Variants in SGCZ observed in about 807,000 individuals in gnomAD.
The protein encoded by SGCZ is zeta-sarcoglycan.
Under a neutral mutation model 41.3 loss-of-function variants are expected in SGCZ, and 40 were observed. The observed-to-expected ratio is 0.97, with a 90% CI of 0.75 to 1.26. The LOEUF is 1.26. Among genes scored for constraint, SGCZ ranks in the 50% most tolerant of loss-of-function variants. SGCZ has a pLI of 0.00. For synonymous variants in SGCZ, 206 were observed against 137.5 expected (o/e 1.50, Z -3.49); for missense variants, 552 against 369.8 (o/e 1.49, Z -4.04).
At chr8:14,661,270 C>T (rs1025545484) in intron 1 of SGCZ, among the ~76,000 whole-genome samples, 5 of 151,932 alleles carry the variant, frequency 3.3e-5, no homozygotes, top group Non-Finnish European at 5.9e-5. Flanking sequence ...GAATATTAAG[C>T]GATAAGCAAG....
At chr8:14,552,395 A>C (rs1023151330) in intron 2 of SGCZ, among the ~76,000 whole-genome samples, 1 of 152,006 alleles carries the variant, frequency 6.6e-6, no homozygotes, top group African/African-American at 2.4e-5. Context: ...TACATTCCTG[A>C]AAACTTCATC....
intron 1 of SGCZ, among the ~76,000 whole-genome samples, chr8:14,791,768 T>C (rs1360640539): frequency 6.6e-6 from 1 of 152,216 alleles, no homozygotes; most frequent in African/African-American, 2.4e-5. Flanking sequence ...AAGCAAGAGC[T>C]ATAGGTTCCA....
At chr8:14,903,224 T>A (rs559696665) in intron 1 of SGCZ, among the ~76,000 whole-genome samples, 1 of 152,224 alleles carries the variant, frequency 6.6e-6, no homozygotes. Flanking sequence ...CAAGCAAATG[T>A]TTTTAAACAT....
chr8:14,770,963 AG>A (rs1800216683), intron 1 of SGCZ, among the ~76,000 whole-genome samples: 1 of 152,194 alleles, frequency 6.6e-6, no homozygotes, highest in Non-Finnish European at 1.5e-5. Context: ...TGAAGTTTCC[AG>A]GAAGAAAAAT....
At chr8:15,073,433 A>C (rs138475046) in intron 1 of SGCZ, among the ~76,000 whole-genome samples, 1 of 152,184 alleles carries the variant, frequency 6.6e-6, no homozygotes, top group Admixed American at 6.5e-5. Flanking sequence ...AAATTAATAC[A>C]TAAGATTAAT....
intron 1 of SGCZ, among the ~76,000 whole-genome samples, chr8:14,822,952 G>C (rs1207376793): frequency 2.0e-5 from 3 of 151,282 alleles, no homozygotes; most frequent in African/African-American, 7.3e-5. Context: ...TGCTTGGCTG[G>C]CTGAGGCAGG....
intron 5 of SGCZ, among the ~76,000 whole-genome samples, chr8:14,152,451 C>G (rs1409148143): frequency 6.6e-6 from 1 of 152,080 alleles, no homozygotes; most frequent in African/African-American, 2.4e-5. Context: ...ATCGCTTGAG[C>G]CCAGAAGTTC....
At chr8:14,679,763 T>C (rs1290412528) in intron 1 of SGCZ, among the ~76,000 whole-genome samples, 1 of 152,072 alleles carries the variant, frequency 6.6e-6, no homozygotes, top group Non-Finnish European at 1.5e-5. Context: ...CTTATCCCTT[T>C]ATATTCACTA....
At chr8:14,431,751 C>A (rs193157727) in intron 2 of SGCZ, among the ~76,000 whole-genome samples, 16 of 152,136 alleles carry the variant, frequency 1.1e-4, no homozygotes, top group African/African-American at 3.9e-4. Context: ...AGACAACCCA[C>A]AGAGCGGGAG....
intron 2 of SGCZ, among the ~76,000 whole-genome samples, chr8:14,340,752 G>A (rs992719515): frequency 3.9e-5 from 6 of 151,984 alleles, no homozygotes; most frequent in African/African-American, 9.7e-5. Flanking sequence ...AATTCTTTTT[G>A]GAGGTAACAT....
intron 2 of SGCZ, among the ~76,000 whole-genome samples, chr8:14,328,883 C>T (rs1420604216): frequency 3.9e-5 from 6 of 152,168 alleles, no homozygotes; most frequent in East Asian, 1.9e-4. Flanking sequence ...CGCAGTGTTT[C>T]GACCTCTTGC....
intron 2 of SGCZ, among the ~76,000 whole-genome samples, chr8:14,346,626 T>C (rs1802899359): frequency 6.6e-6 from 1 of 151,892 alleles, no homozygotes; most frequent in African/African-American, 2.4e-5. Flanking sequence ...TATCACAAAA[T>C]AAAATATCAC....
intron 2 of SGCZ, among the ~76,000 whole-genome samples, chr8:14,496,251 G>A (rs1253304467): frequency 1.3e-5 from 2 of 151,130 alleles, no homozygotes; most frequent in South Asian, 4.2e-4. Flanking sequence ...TTTTTTTTTG[G>A]AGAGACAAAA....
At chr8:14,248,359 C>T (rs1799177735) in intron 3 of SGCZ, among the ~76,000 whole-genome samples, 1 of 152,036 alleles carries the variant, frequency 6.6e-6, no homozygotes, top group African/African-American at 2.4e-5. Flanking sequence ...ATGGTGATGA[C>T]GATGCTAATG....
At chr8:14,541,167 A>T (rs1803455151) in intron 2 of SGCZ, among the ~76,000 whole-genome samples, 1 of 151,914 alleles carries the variant, frequency 6.6e-6, no homozygotes, top group Non-Finnish European at 1.5e-5. Context: ...AAGTTCCGGG[A>T]TACAGGTACT....
intron 4 of SGCZ, among the ~76,000 whole-genome samples, chr8:14,166,464 T>A (rs1450609807): frequency 6.6e-6 from 1 of 152,156 alleles, no homozygotes; most frequent in East Asian, 1.9e-4. Context: ...GAGGCCAATG[T>A]GTTAATACAT....
Position 14,090,579 on chromosome 8 carries a change from G to A in SGCZ, c.803C>T (p.Ser268Phe). The A allele has an allele frequency of 6.2e-7, 1 of 1,612,872 alleles. No homozygotes were observed. Among genetic ancestry groups the A allele is most frequent in the South Asian group, 1.1e-5 (1 of 91,030 alleles). ...AGAACTTGAGGAGCTGGGTGAAGAAGATGAGAAGGAGCCAGTTGGTAGATT... is the reference window on the plus strand; with the variant it reads ...AGAACTTGAGGAGCTGGGTGAAGAAAATGAGAAGGAGCCAGTTGGTAGATT... ...LGNLPTGSFS[S>F]SSPSSSSSRQ... Residue 268 changes from serine to phenylalanine, a missense_variant, in exon 8 of 8, where the codon TCT becomes TTT. Ser to Phe is a radical substitution (Grantham distance 155). Transcript: ENST00000382080.
At chr8:15,060,472 G>T (rs111698189) in intron 1 of SGCZ, among the ~76,000 whole-genome samples, 2 of 131,128 alleles carry the variant, frequency 1.5e-5, no homozygotes, top group Non-Finnish European at 3.1e-5. Flanking sequence ...TGAACAATGA[G>T]AACACTTGGA....
At chr8:14,938,541 T>A (rs1237305823) in intron 1 of SGCZ, among the ~76,000 whole-genome samples, 2 of 152,180 alleles carry the variant, frequency 1.3e-5, no homozygotes, top group African/African-American at 4.8e-5. Flanking sequence ...ACACAGTATA[T>A]AATATACATA....
Sources: gnomAD v4.1 joint callset for allele counts (sites outside exome capture counted in the v4.1 genomes callset) on GRCh38, gnomAD v4.1.1 for gene constraint, MANE v1.5 for transcripts, NCBI Gene and HGNC (gene_info 2026-07-23, HGNC 2026-07-21) for gene names.